Variants in SNTG2 observed in about 807,000 individuals in gnomAD.
SNTG2 encodes syntrophin gamma 2.
A neutral mutation model predicts 70.9 loss-of-function variants in SNTG2; 74 were observed. The observed-to-expected ratio is 1.04, with a 90% CI of 0.86 to 1.27. The LOEUF (loss-of-function observed/expected upper bound fraction) is 1.27, where lower values mean the gene tolerates loss of function less well. Among genes scored for constraint, SNTG2 ranks in the 50% most tolerant of loss-of-function variants. SNTG2 has a pLI of 0.00. For missense variants in SNTG2, 717 were observed against 690.7 expected, an observed-to-expected ratio of 1.04 and a Z score of -0.43; for synonymous variants, 278 against 273.8, an observed-to-expected ratio of 1.02 and a Z score of -0.15.
At chr2:1,134,720 G>A (rs1353598298) in intron 4 of SNTG2, among the ~76,000 whole-genome samples, 10 of 152,160 alleles carry the variant, frequency 6.6e-5, no homozygotes, top group South Asian at 2.1e-4. Flanking sequence ...CTGCCCCTGC[G>A]CCCGCACTCC....
rs370199844 is a variant in SNTG2, at chr2:1,301,974, T to G, written c.1285-6520T>G. ...TACTGAGTTTTCTTACTTTTTTTTT[T>G]TTTTTAAGACAGAGTCTCGCTCTGT... On this transcript the variant is annotated intron_variant, in intron 14 of 16. Transcript: ENST00000308624. 2.6e-5 allele frequency among the ~76,000 whole-genome samples: 4 copies of G among 151,958 alleles called. No individual in the cohort carries two copies. The East Asian group carries it at 7.7e-4, about 29-fold the overall frequency.
At chr2:1,232,901 ACT>A (rs1235227589) in intron 9 of SNTG2, among the ~76,000 whole-genome samples, 1 of 152,032 alleles carries the variant, frequency 6.6e-6, no homozygotes, top group Admixed American at 6.6e-5. Flanking sequence ...ACACATGCAC[ACT>A]CTCCTTATTT....
intron 9 of SNTG2, among the ~76,000 whole-genome samples, chr2:1,233,922 C>T (rs939672285): frequency 3.3e-5 from 5 of 151,130 alleles, no homozygotes; most frequent in Admixed American, 1.3e-4. Flanking sequence ...GGGTGCCAAG[C>T]GCTCTGCCTT....
chr2:1,033,334 G>A (rs144581327), intron 1 of SNTG2, among the ~76,000 whole-genome samples: 56 of 152,294 alleles, frequency 3.7e-4, no homozygotes, highest in Non-Finnish European at 6.2e-4. Flanking sequence ...AGTCCAGAGA[G>A]TAGAGCCTTC....
intron 11 of SNTG2, among the ~76,000 whole-genome samples, chr2:1,242,239 A>C (rs1461782764): frequency 6.6e-6 from 1 of 152,164 alleles, no homozygotes; most frequent in African/African-American, 2.4e-5. Context: ...ACAGAAAGAA[A>C]ATTTTTTTTC....
chr2:1,191,781 G>A (rs555127119), intron 8 of SNTG2, among the ~76,000 whole-genome samples: 15 of 152,240 alleles, frequency 9.9e-5, no homozygotes, highest in Middle Eastern at 3.4e-3. Context: ...GCGACAGAGC[G>A]AGACTCTGTC....
At position 1,015,874 on chromosome 2, in the gene SNTG2, C is replaced by T. The variant is rs78331967; in HGVS notation, c.72+64806C>T. Among the ~76,000 whole-genome samples, 383 of 152,258 alleles carry T rather than the reference C, an allele frequency of 2.5e-3. 11 individuals carry two copies. The East Asian group carries it at 0.066, about 26-fold the overall frequency. Reference sequence around the variant, plus strand: ...TCCCAGCATCATCTGTATCTGCTGCCCTGCAAGACAAAAGACTTGCAGATG... The same window carrying T: ...TCCCAGCATCATCTGTATCTGCTGCTCTGCAAGACAAAAGACTTGCAGATG... On this transcript the variant is annotated intron_variant, in intron 1 of 16. Coordinates refer to ENST00000308624, the MANE Select transcript of SNTG2 (RefSeq NM_018968.4).
chr2:1,078,722 G>A (rs893209973), intron 1 of SNTG2, among the ~76,000 whole-genome samples: 4 of 152,172 alleles, frequency 2.6e-5, no homozygotes, highest in African/African-American at 9.7e-5. Context: ...ACTGAACTGG[G>A]ACAAGGCTGG....
intron 1 of SNTG2, among the ~76,000 whole-genome samples, chr2:1,020,916 G>A (rs964828336): frequency 6.6e-6 from 1 of 152,152 alleles, no homozygotes; most frequent in Non-Finnish European, 1.5e-5. Context: ...AGCATTTAAT[G>A]ATGATCCTTC....
intron 14 of SNTG2, among the ~76,000 whole-genome samples, chr2:1,301,000 G>A (rs1024930558): frequency 6.6e-6 from 1 of 152,176 alleles, no homozygotes; most frequent in African/African-American, 2.4e-5. Flanking sequence ...AAAATTTGAT[G>A]AGTCATTAGG....
At chr2:1,055,666 C>A (rs2148093859) in intron 1 of SNTG2, among the ~76,000 whole-genome samples, 1 of 152,258 alleles carries the variant, frequency 6.6e-6, no homozygotes, top group East Asian at 1.9e-4. Context: ...AGAGATCAAA[C>A]CATGTTGCAG....
At chr2:1,289,941 T>A (rs894700729) in intron 14 of SNTG2, among the ~76,000 whole-genome samples, 1 of 152,208 alleles carries the variant, frequency 6.6e-6, no homozygotes, top group African/African-American at 2.4e-5. Flanking sequence ...TTCAAGGTCA[T>A]CCCTGTTGTA....
intron 14 of SNTG2, among the ~76,000 whole-genome samples, chr2:1,303,212 A>G (rs1680533740): frequency 1.3e-5 from 2 of 152,252 alleles, no homozygotes; most frequent in Admixed American, 6.5e-5. Flanking sequence ...TCAAGTGTCC[A>G]TGCAACTTTT....
intron 1 of SNTG2, among the ~76,000 whole-genome samples, chr2:1,030,043 A>G (rs1260530417): frequency 6.6e-6 from 1 of 152,164 alleles, no homozygotes; most frequent in African/African-American, 2.4e-5. Context: ...CATCTCTTCT[A>G]TCTACACCTT....
At chr2:1,223,586 A>G (rs142311278) in intron 9 of SNTG2, among the ~76,000 whole-genome samples, 40 of 152,334 alleles carry the variant, frequency 2.6e-4, no homozygotes, top group African/African-American at 9.1e-4. Flanking sequence ...CCCCATTACA[A>G]CTAAACATGA....
At chr2:1,267,832 T>C (rs1483006220) in intron 14 of SNTG2, among the ~76,000 whole-genome samples, 2 of 152,202 alleles carry the variant, frequency 1.3e-5, no homozygotes, top group Non-Finnish European at 2.9e-5. Context: ...GCTGCATCGC[T>C]TTCCAGGAAG....
chr2:1,231,171 C>T (rs1049240782), intron 9 of SNTG2, among the ~76,000 whole-genome samples: 3 of 151,178 alleles, frequency 2.0e-5, no homozygotes, highest in African/African-American at 7.3e-5. Context: ...AATGACAGTG[C>T]CTCTTCCATA....
chr2:983,344 G>A (rs1661195654), intron 1 of SNTG2, among the ~76,000 whole-genome samples: 1 of 151,656 alleles, frequency 6.6e-6, no homozygotes, highest in South Asian at 2.1e-4. Context: ...GTGGAAGTCG[G>A]GATGAAGAAG....
At chr2:1,039,705 A>AT (rs1029714576) in intron 1 of SNTG2, among the ~76,000 whole-genome samples, 3 of 152,138 alleles carry the variant, frequency 2.0e-5, no homozygotes, top group Admixed American at 6.5e-5. Flanking sequence ...ATTTATTGAC[A>AT]TTTTTTTCTG....
Sources: gnomAD v4.1 joint callset for allele counts (sites outside exome capture counted in the v4.1 genomes callset) on GRCh38, gnomAD v4.1.1 for gene constraint, MANE v1.5 for transcripts, NCBI Gene and HGNC (gene_info 2026-07-23, HGNC 2026-07-21) for gene names.